DNAH1: variants seen among roughly 807,000 people sequenced by gnomAD.
DNAH1 encodes the protein axonemal beta dynein heavy chain 1.
DNAH1 carries 327 observed loss-of-function variants against 484.3 expected under a neutral mutation model. That is an observed-to-expected ratio of 0.68 (90% CI 0.62 to 0.74). The LOEUF is 0.74. Among genes scored for constraint, DNAH1 ranks in the 30% least tolerant of loss-of-function variants. The pLI is 0.00. For missense variants in DNAH1, 5,052 were observed against 5,546.8 expected, an observed-to-expected ratio of 0.91 and a Z score of 2.83; for synonymous variants, 2,192 against 2,191.9, an observed-to-expected ratio of 1.00 and a Z score of 0.00.
chr3:52,361,685 C>T lies in DNAH1; in HGVS notation c.4899C>T (p.Asp1633=), dbSNP rs770026889. The part of the protein sequence containing the change: ...LASAGAWACF[D]EFNRIDIEVL... The stretch of plus-strand genomic sequence containing the variant: ...GTGCTGGGGCCTGGGCCTGCTTCGA[C>T]GAGTTCAATCGCATCGACATCGAGG... The change falls in exon 30 of 78, where the codon GAC becomes GAT. Residue 1633 remains aspartate, a synonymous_variant. Transcript: ENST00000420323. The surrounding 1 kb of genome is among the most constrained non-coding windows in gnomAD (Gnocchi z 5.6). 2.3e-5 allele frequency: 37 copies of T among 1,609,466 alleles called. No individual in the cohort carries two copies. The East Asian group carries it at 2.5e-4, about 11-fold the overall frequency.
In DNAH1 at chr3:52,375,295, T is replaced by G; in HGVS notation, c.7041T>G (p.Gly2347=). Residue 2347 remains glycine, a synonymous_variant, in exon 45 of 78, where the codon GGT becomes GGG. Transcript: ENST00000420323. ...INFVCAMGPP[G]GGRNTVTPRL... ...TTGTCTGTGCCATGGGCCCCCCGGG[T>G]GGAGGCAGGAACACCGTCACCCCGC... 6.2e-7 allele frequency: 1 copy of G among 1,612,128 alleles called. No individual in the cohort carries two copies. Among genetic ancestry groups the G allele is most frequent in the Non-Finnish European group, 8.5e-7 (1 of 1,179,224 alleles).
At position 52,378,605 on chromosome 3, in the gene DNAH1, G is replaced by A. The variant is rs550313460; in HGVS notation, c.7202G>A (p.Gly2401Glu). 2 of 1,613,286 alleles carry A rather than the reference G, an allele frequency of 1.2e-6. No individual in the cohort carries two copies. Among genetic ancestry groups the A allele is most frequent in the Admixed American group, 1.7e-5 (1 of 59,982 alleles). ...GEKSYRERVP[G>E]APHIAHFTEP... ...GGCCATTCTCCTATTCCCCCAGCTGGGGCCCCCCACATTGCCCACTTCACG... is the reference window on the plus strand; with the variant it reads ...GGCCATTCTCCTATTCCCCCAGCTGAGGCCCCCCACATTGCCCACTTCACG... Residue 2401 changes from glycine to glutamate, a missense_variant, in exon 47 of 78, where the codon GGG (glycine) becomes GAG (glutamate). Gly to Glu is a moderately conservative substitution (Grantham distance 98, BLOSUM62 -2). This residue lies in a region of DNAH1 where 2,929 missense variants were observed against 3,409.4 expected (regional missense o/e 0.86). Coordinates refer to ENST00000420323, the MANE Select transcript of DNAH1 (RefSeq NM_015512.5).
intron 53 of DNAH1, 78 bp downstream of exon 53, chr3:52,385,055 AC>A: frequency 6.8e-7 from 1 of 1,472,702 alleles, no homozygotes; most frequent in Non-Finnish European, 9.1e-7. Flanking sequence ...CTCCAGGGTG[AC>A]ACCATGCTCC....
chr3:52,393,060 G>C, intron 65 of DNAH1, 35 bp downstream of exon 65: 1 of 1,600,512 alleles, frequency 6.2e-7, no homozygotes, highest in Non-Finnish European at 8.5e-7. Context: ...ACCCTGCACA[G>C]ATATGACCCA....
chr3:52,337,721 C>G (rs1436483459), intron 8 of DNAH1, among the ~76,000 whole-genome samples: 1 of 152,170 alleles, frequency 6.6e-6, no homozygotes, highest in Non-Finnish European at 1.5e-5. Context: ...TTAGTGGTTT[C>G]TTTTATAGTC....
At chr3:52,348,796 C>G in intron 12 of DNAH1, 92 bp from the exon 13 acceptor site, 1 of 1,416,628 alleles carries the variant, frequency 7.1e-7, no homozygotes. Flanking sequence ...CCCCTGCTTG[C>G]CCTGCTCCTC....
rs777151061 is a variant in DNAH1, at chr3:52,326,862, C to G, written c.709C>G (p.Pro237Ala). ...HPQTIEQGHDPIFPIYLPLKV... is the reference protein window; with the variant it reads ...HPQTIEQGHDAIFPIYLPLKV... ...CCAAACCATCGAACAGGGCCATGAC[C>G]CAATCTTCCCCATCTACCTCCCACT... The change falls in exon 5 of 78, where the codon CCA becomes GCA. Residue 237 changes from proline to alanine, a missense_variant. This residue lies in a region of DNAH1 where 1,263 missense variants were observed against 1,218.8 expected (regional missense o/e 1.04). Transcript: ENST00000420323. 6.2e-6 allele frequency: 10 copies of G among 1,613,138 alleles called. No individual in the cohort carries two copies. The East Asian group carries it at 2.2e-4, about 36-fold the overall frequency.
At chr3:52,359,004 C>T (rs570470749) in intron 25 of DNAH1, among the ~76,000 whole-genome samples, 109 of 152,304 alleles carry the variant, frequency 7.2e-4, no homozygotes, top group African/African-American at 2.5e-3. Flanking sequence ...CTCTCAGCTC[C>T]ATGACCATAA....
At chr3:52,320,329 A>G (rs1701098241) in intron 1 of DNAH1, among the ~76,000 whole-genome samples, 1 of 152,250 alleles carries the variant, frequency 6.6e-6, no homozygotes, top group Non-Finnish European at 1.5e-5. Context: ...GCAGCTGGCC[A>G]CCAGAGACTG....
chr3:52,342,963 C>T (rs1335425938), intron 8 of DNAH1, among the ~76,000 whole-genome samples: 1 of 152,136 alleles, frequency 6.6e-6, no homozygotes, highest in Non-Finnish European at 1.5e-5. Flanking sequence ...GGAGGTATAG[C>T]TGGGGAAGAC....
rs1292033845 is a variant in DNAH1, at chr3:52,349,292, A to C, written c.2398A>C (p.Ser800Arg). The change falls in exon 14 of 78, where the codon AGC becomes CGC. Residue 800 changes from serine to arginine, a missense_variant. Around this residue, in one of 4 missense-constraint regions of DNAH1, gnomAD observed 1,263 missense variants for 1,218.8 expected, o/e 1.04. Coordinates refer to ENST00000420323, the MANE Select transcript of DNAH1 (RefSeq NM_015512.5). ...KEILDSSLPSSIIIGPFYINT... is the reference protein window; with the variant it reads ...KEILDSSLPSRIIIGPFYINT... ...GATCCTGGACAGCTCGCTGCCCAGC[A>C]GCATCATCATTGGGCCTTTCTACAT... 6.2e-7 allele frequency: 1 copy of C among 1,613,890 alleles called. No individual in the cohort carries two copies. Among genetic ancestry groups the C allele is most frequent in the African/African-American group, 1.3e-5 (1 of 74,930 alleles).
intron 44 of DNAH1, 108 bp downstream of exon 44, chr3:52,373,161 G>T: frequency 4.5e-5 from 53 of 1,170,932 alleles, no homozygotes; most frequent in African/African-American, 6.5e-5. Flanking sequence ...CCACAAAAAT[G>T]TTTTAATTTC....
In DNAH1 at chr3:52,388,849, C is replaced by T. The variant is rs567406387; in HGVS notation, c.9407C>T (p.Thr3136Met). The T allele has an allele frequency of 2.7e-5, 43 of 1,613,720 alleles. No individual in the cohort carries two copies. The highest frequency in any genetic ancestry group is 1.2e-4 in the South Asian group (11 of 91,060). The change falls in exon 59 of 78, where the codon ACG (threonine) becomes ATG (methionine). Residue 3136 changes from threonine (T) to methionine (M), a missense_variant. This residue lies in a region of DNAH1 where 2,929 missense variants were observed against 3,409.4 expected (regional missense o/e 0.86). Transcript: ENST00000420323. ...GATGAGAAGGTGCGCTGGCAGGAGA[C>T]GGTGGAGAACCTGCAGTACATGCTC... The part of the protein sequence containing the change: ...LSDEKVRWQE[T>M]VENLQYMLNN...
At chr3:52,384,203 G>A (rs1317250710) in intron 52 of DNAH1, among the ~76,000 whole-genome samples, 172 bp downstream of exon 52, 1 of 152,222 alleles carries the variant, frequency 6.6e-6, no homozygotes, top group Admixed American at 6.5e-5. Context: ...AATGCGCAGA[G>A]CCACAGGTCA....
At position 52,388,859 on chromosome 3, in the gene DNAH1, C is replaced by A. The variant is rs1217514167; in HGVS notation, c.9417C>A (p.Asn3139Lys). The change falls in exon 59 of 78, where the codon AAC (asparagine) becomes AAA (lysine). Residue 3139 changes from asparagine to lysine, a missense_variant. By Grantham distance (94) the Asn-to-Lys change is moderately conservative. Around this residue, in one of 4 missense-constraint regions of DNAH1, gnomAD observed 2,929 missense variants for 3,409.4 expected, o/e 0.86. Transcript: ENST00000420323. ...TGCGCTGGCAGGAGACGGTGGAGAA[C>A]CTGCAGTACATGCTCAACAACATCT... ...EKVRWQETVE[N>K]LQYMLNNISG... The A allele has an allele frequency of 1.9e-6, 3 of 1,613,832 alleles. No homozygotes were observed. The highest frequency in any genetic ancestry group is 2.5e-6 in the Non-Finnish European group (3 of 1,179,882).
chr3:52,331,403 A>C, intron 7 of DNAH1, 94 bp downstream of exon 7: 2 of 1,389,628 alleles, frequency 1.4e-6, no homozygotes, highest in Non-Finnish European at 9.7e-7. Context: ...CTGCCAGATC[A>C]GGTCTGAATT....
rs777996660 is a variant in DNAH1, at chr3:52,381,789, C to T, written c.7758C>T (p.Gly2586=). The change falls in exon 49 of 78, where the codon GGC becomes GGT. Residue 2586 remains glycine (G), a synonymous_variant. Transcript: ENST00000420323. The surrounding 1 kb of genome is among the most constrained non-coding windows in gnomAD (Gnocchi z 4.1). ...RQALGNALLL[G]VGGSGRSSLT... is the part of the protein sequence containing the mutation. ...CGCTGGGCAATGCACTCCTGCTGGG[C>T]GTGGGTGGCAGCGGCCGCAGCTCCC... 29 of 1,604,838 alleles carry T rather than the reference C, an allele frequency of 1.8e-5. No individual in the cohort carries two copies. The highest frequency in any genetic ancestry group is 5.4e-5 in the African/African-American group (4 of 74,758).
At chr3:52,351,908 C>T (rs1421514573) in intron 16 of DNAH1, 54 bp from the exon 17 acceptor site, 13 of 1,568,362 alleles carry the variant, frequency 8.3e-6, no homozygotes, top group Admixed American at 1.8e-5. Flanking sequence ...GGTCTTGCCA[C>T]TCCACCACTT....
chr3:52,394,854 T>C, intron 67 of DNAH1, 61 bp from the exon 68 acceptor site: 1 of 1,590,042 alleles, frequency 6.3e-7, no homozygotes, highest in East Asian at 2.3e-5. Flanking sequence ...GCCGAATCCC[T>C]GGGGCCACCA....
Sources: gnomAD v4.1 joint callset for allele counts (sites outside exome capture counted in the v4.1 genomes callset) on GRCh38, gnomAD v4.1.1 for gene constraint, gnomAD v4.1.1 regional missense constraint, Gnocchi (gnomAD v3.1) non-coding constraint, MANE v1.5 for transcripts, NCBI Gene and HGNC (gene_info 2026-07-23, HGNC 2026-07-21) for gene names.